Variants in SLC16A7 observed in about 807,000 individuals in gnomAD.
SLC16A7 encodes the protein solute carrier family 16 member 7, also known as monocarboxylate transporter 2.
Under a neutral mutation model 34.9 loss-of-function variants are expected in SLC16A7, and 33 were observed. The observed-to-expected ratio is 0.94, with a 90% CI of 0.72 to 1.26. The LOEUF is 1.26. SLC16A7 is among the 50% of genes most tolerant of loss of function. The probability of loss-of-function intolerance (pLI) is 0.00; values close to 1 mark genes in which losing one functional copy is unlikely to be tolerated. For missense variants in SLC16A7, 573 were observed against 578.1 expected (o/e 0.99, Z 0.09); for synonymous variants, 201 against 206.6 (o/e 0.97, Z 0.23).
At chr12:59,650,524 A>C (rs924335081) in intron 1 of SLC16A7, among the ~76,000 whole-genome samples, 9 of 152,154 alleles carry the variant, frequency 5.9e-5, no homozygotes, top group African/African-American at 2.2e-4. Context: ...CTTTTGTAAA[A>C]TGGAGATGTT....
chr12:59,668,677 T>C (rs1443672704), intron 2 of SLC16A7, among the ~76,000 whole-genome samples: 1 of 152,168 alleles, frequency 6.6e-6, no homozygotes, highest in African/African-American at 2.4e-5. Flanking sequence ...GAATTAAGAC[T>C]TTGAGGGATT....
chr12:59,721,404 C>G (rs1875572982), intron 3 of SLC16A7, among the ~76,000 whole-genome samples: 1 of 151,962 alleles, frequency 6.6e-6, no homozygotes, highest in South Asian at 2.1e-4. Context: ...CTCACCCCCT[C>G]AACTATTAAT....
Position 59,779,472 on chromosome 12 carries a change from TG to T in SLC16A7, c.1234del (p.Ala412LeufsTer4). 1 of 1,611,298 alleles carries T rather than the reference TG, an allele frequency of 6.2e-7. No individual in the cohort carries two copies. Among genetic ancestry groups the T allele is most frequent in the Non-Finnish European group, 8.5e-7 (1 of 1,177,754 alleles). ...AATATAAATACATGTACATGTCCTG[TG>T]GGGCTATTGTGGTAGCAGCAAGCGT... Reference protein sequence around the residue: ...GEYKYMYMSCGAIVVAASVWL... With the variant: ...GEYKYMYMSCXAIVVAASVWL... On this transcript the variant is annotated frameshift_variant, in exon 6 of 6. Coordinates refer to ENST00000547379, the MANE Select transcript of SLC16A7 (RefSeq NM_001270623.2). LOFTEE classifies it high-confidence loss of function.
At chr12:59,695,686 A>G (rs1364105549) in intron 2 of SLC16A7, among the ~76,000 whole-genome samples, 1 of 152,080 alleles carries the variant, frequency 6.6e-6, no homozygotes, top group Non-Finnish European at 1.5e-5. Flanking sequence ...GGCCCTGGAT[A>G]TAAGGCAGAC....
rs1869433704 is a variant in SLC16A7, at chr12:59,668,867, A to G, written c.-31+13617A>G. 2.0e-5 allele frequency among the ~76,000 whole-genome samples: 3 copies of G among 152,294 alleles called. No individual in the cohort carries two copies. The South Asian group carries it at 6.2e-4, about 32-fold the overall frequency. On this transcript the variant is annotated intron_variant, in intron 2 of 5. Coordinates refer to ENST00000547379, the MANE Select transcript of SLC16A7 (RefSeq NM_001270623.2). ...TTGAATCATAGCGGGTATTCTTGTG[A>G]TAGTGAATAAGTCTCACAAGGTCTG...
chr12:59,657,072 G>A (rs978449946), intron 2 of SLC16A7, among the ~76,000 whole-genome samples: 4 of 151,786 alleles, frequency 2.6e-5, no homozygotes, highest in Non-Finnish European at 5.9e-5. Flanking sequence ...GCATATTGTA[G>A]GGACTAATTA....
Position 59,787,618 on chromosome 12 carries a change from T to C in SLC16A7, c.*7939T>C, listed in dbSNP as rs188823465. On this transcript the variant is annotated 3_prime_UTR_variant, in exon 6 of 6. Coordinates refer to ENST00000547379, the MANE Select transcript of SLC16A7 (RefSeq NM_001270623.2). ...TTTCCCGGTAAAACTGTAAAAACAG[T>C]AATCTGCATTCAGTATTTGTTTGCC... 2 of 152,296 alleles carry C rather than the reference T, an allele frequency of 1.3e-5. No individual in the cohort carries two copies. The highest frequency in any genetic ancestry group is 1.9e-4 in the East Asian group (1 of 5,186). 9.4% of individuals were successfully genotyped at this position (152,296 alleles called of 1,614,324 possible). A position where few individuals can be genotyped will look rare whatever the true frequency, so the allele number is the denominator to read the frequency against.
chr12:59,770,227 G>T (rs919190380), intron 3 of SLC16A7, among the ~76,000 whole-genome samples: 3 of 151,982 alleles, frequency 2.0e-5, no homozygotes, highest in Non-Finnish European at 2.9e-5. Flanking sequence ...TTAAAAAATT[G>T]GTAAGGCATT....
intron 1 of SLC16A7, among the ~76,000 whole-genome samples, chr12:59,608,864 C>G (rs1879062906): frequency 6.6e-6 from 1 of 152,110 alleles, no homozygotes; most frequent in Admixed American, 6.5e-5. Flanking sequence ...GGAAGAAACA[C>G]TTCTAAAAAA....
At chr12:59,690,474 A>C (rs1276254446) in intron 2 of SLC16A7, among the ~76,000 whole-genome samples, 1 of 152,062 alleles carries the variant, frequency 6.6e-6, no homozygotes, top group Non-Finnish European at 1.5e-5. Flanking sequence ...GTAAATCTCA[A>C]GGAGGTGGAT....
intron 3 of SLC16A7, among the ~76,000 whole-genome samples, chr12:59,748,054 T>G (rs1879088260): frequency 6.6e-6 from 1 of 151,854 alleles, no homozygotes; most frequent in Non-Finnish European, 1.5e-5. Flanking sequence ...AATACAAAAA[T>G]TAGCTGGGCA....
intron 1 of SLC16A7, among the ~76,000 whole-genome samples, chr12:59,616,302 A>C (rs143484208): frequency 0.011 from 1,620 of 152,274 alleles, 23 homozygotes; most frequent in African/African-American, 0.037. Context: ...TTTACTTCTT[A>C]CCCAAGCATT....
chr12:59,617,748 C>G (rs1207372990), intron 1 of SLC16A7, among the ~76,000 whole-genome samples: 1 of 151,862 alleles, frequency 6.6e-6, no homozygotes, highest in Non-Finnish European at 1.5e-5. Context: ...GACCTAAGGT[C>G]TGGCCTAATC....
chr12:59,747,835 T>A (rs1879059334), intron 3 of SLC16A7, among the ~76,000 whole-genome samples: 1 of 152,214 alleles, frequency 6.6e-6, no homozygotes, highest in Non-Finnish European at 1.5e-5. Flanking sequence ...CTTTCCCATA[T>A]ATTACTTCAC....
chr12:59,739,508 G>A (rs1373933060), intron 3 of SLC16A7, among the ~76,000 whole-genome samples: 10 of 142,450 alleles, frequency 7.0e-5, no homozygotes, highest in Non-Finnish European at 1.5e-4. Context: ...AAATATACGT[G>A]TGCATGTGTC....
In SLC16A7 at chr12:59,748,075, T is replaced by C. The variant is rs897712534; in HGVS notation, c.218-23144T>C. 5.3e-5 allele frequency among the ~76,000 whole-genome samples: 8 copies of C among 152,090 alleles called. 1 individual carries two copies. The East Asian group carries it at 1.2e-3, about 22-fold the overall frequency. On this transcript the variant is annotated intron_variant, in intron 3 of 5. Transcript: ENST00000547379. Reference sequence around the variant, plus strand: ...AAAATTAGCTGGGCATGGTGGTGGGTGCCTGTAATCCCAGCTACTCGGAAG... The same window carrying C: ...AAAATTAGCTGGGCATGGTGGTGGGCGCCTGTAATCCCAGCTACTCGGAAG...
intron 1 of SLC16A7, among the ~76,000 whole-genome samples, chr12:59,616,710 T>G (rs1338156358): frequency 1.3e-5 from 2 of 152,100 alleles, no homozygotes; most frequent in Non-Finnish European, 2.9e-5. Flanking sequence ...TAACTTTTAT[T>G]CTGGAAAAAA....
chr12:59,769,904 G>T (rs544763960), intron 3 of SLC16A7, among the ~76,000 whole-genome samples: 1 of 151,916 alleles, frequency 6.6e-6, no homozygotes, highest in Non-Finnish European at 1.5e-5. Flanking sequence ...CCTAGTTTCA[G>T]ATGAAATACA....
Position 59,603,326 on chromosome 12 carries a change from T to C in SLC16A7, c.-130+7090T>C, listed in dbSNP as rs544556135. 1.9e-3 allele frequency among the ~76,000 whole-genome samples: 291 copies of C among 152,256 alleles called. 3 individuals carry two copies. The highest frequency in any genetic ancestry group is 6.7e-3 in the African/African-American group (280 of 41,536). ...CTAGGTCCAAGGACTGACATTTCAG[T>C]CCCTGCATGATGTAAGTCCAAACAG... On this transcript the variant is annotated intron_variant, in intron 1 of 5. Coordinates refer to ENST00000547379, the MANE Select transcript of SLC16A7 (RefSeq NM_001270623.2).
Sources: allele counts gnomAD v4.1 joint callset (sites outside exome capture counted in the v4.1 genomes callset), GRCh38; gene constraint gnomAD v4.1.1; transcripts MANE v1.5; gene names NCBI Gene and HGNC (gene_info 2026-07-23, HGNC 2026-07-21).